Variants in PHACTR1 observed in about 807,000 individuals in gnomAD.
PHACTR1 encodes RPEL repeat containing 1.
PHACTR1 carries 16 observed loss-of-function variants against 69.2 expected under a neutral mutation model. The observed-to-expected ratio is 0.23, with a 90% CI of 0.16 to 0.35. The LOEUF is 0.35. PHACTR1 is among the 10% of genes least tolerant of loss of function. The pLI is 1.00. For missense variants in PHACTR1, 510 were observed against 734.7 expected (o/e 0.69, Z 3.54); for synonymous variants, 312 against 284.5 (o/e 1.10, Z -0.97).
At chr6:13,214,774 G>A (rs1046327454) in intron 8 of PHACTR1, among the ~76,000 whole-genome samples, 2 of 152,118 alleles carry the variant, frequency 1.3e-5, no homozygotes, top group African/African-American at 4.8e-5. Flanking sequence ...ATCTAAAAAG[G>A]CTAAATATGA....
intron 4 of PHACTR1, among the ~76,000 whole-genome samples, chr6:12,885,565 G>A (rs2127461264): frequency 1.3e-5 from 2 of 152,286 alleles, no homozygotes; most frequent in African/African-American, 4.8e-5. Flanking sequence ...TTTTCTTTCT[G>A]TCTCTCTGGC....
At chr6:13,168,169 G>A (rs945108985) in intron 6 of PHACTR1, among the ~76,000 whole-genome samples, 1 of 152,178 alleles carries the variant, frequency 6.6e-6, no homozygotes, top group Non-Finnish European at 1.5e-5. Flanking sequence ...TGAAAAGAGT[G>A]TTTACTTTCA....
chr6:13,170,230 T>C (rs1760395931), intron 6 of PHACTR1, among the ~76,000 whole-genome samples: 1 of 152,254 alleles, frequency 6.6e-6, no homozygotes, highest in African/African-American at 2.4e-5. Context: ...GATGAAAATT[T>C]GCGCAGATAA....
At chr6:13,248,685 G>A (rs111330490) in intron 10 of PHACTR1, among the ~76,000 whole-genome samples, 5 of 152,232 alleles carry the variant, frequency 3.3e-5, no homozygotes, top group Non-Finnish European at 7.4e-5. Context: ...ATTAGTAGAC[G>A]GGGCAATAAC....
intron 3 of PHACTR1, among the ~76,000 whole-genome samples, chr6:12,737,386 G>C (rs989526516): frequency 3.2e-5 from 4 of 126,710 alleles, no homozygotes; most frequent in Non-Finnish European, 4.8e-5. Flanking sequence ...ATACAGAGGA[G>C]ATATTGTTTT....
chr6:13,006,601 C>T (rs1050686018), intron 4 of PHACTR1, among the ~76,000 whole-genome samples: 1 of 151,992 alleles, frequency 6.6e-6, no homozygotes, highest in Non-Finnish European at 1.5e-5. Context: ...GATATATACA[C>T]AACTTATATT....
rs749577272 is a variant in PHACTR1 at position 12,933,630 on chromosome 6, C to G, written c.251-119735C>G. 3.1e-6 allele frequency: 5 copies of G among 1,612,480 alleles called. No individual in the cohort carries two copies. The African/African-American group carries it at 6.7e-5, about 22-fold the overall frequency. ...AATGTCTTCATGTTTCCACAATGTCCAGGCGTTTCCCTTTTTGGGGATATG... is the reference window on the plus strand; with the variant it reads ...AATGTCTTCATGTTTCCACAATGTCGAGGCGTTTCCCTTTTTGGGGATATG... On this transcript the variant is annotated intron_variant, in intron 4 of 14. Transcript: ENST00000332995.
rs34367742 is a variant in PHACTR1 at position 13,160,057 on chromosome 6, G to A, written c.416-147G>A. The A allele has an allele frequency of 3.8e-3, 2,523 of 657,912 alleles. 44 individuals are homozygous for A. The African/African-American group carries it at 0.039, about 10-fold the overall frequency. The allele number at this position is 657,912 out of a possible 1,614,324, so 40.8% of individuals were successfully genotyped here. On this transcript the variant is annotated intron_variant, in intron 5 of 14. Transcript: ENST00000332995. ...TGATAGTATCAAAACATATTAACTG[G>A]TATGTCTCATTAGCTCACATTAGCA...
intron 7 of PHACTR1, among the ~76,000 whole-genome samples, chr6:13,192,570 A>G (rs577259758): frequency 1.3e-5 from 2 of 152,360 alleles, no homozygotes; most frequent in South Asian, 2.1e-4. Flanking sequence ...TTTAGCAGCA[A>G]TTGCTTGATT....
chr6:13,051,452 G>T (rs1386926748), intron 4 of PHACTR1, among the ~76,000 whole-genome samples: 2 of 152,122 alleles, frequency 1.3e-5, no homozygotes, highest in Admixed American at 6.5e-5. Context: ...TACATGATCT[G>T]GTTCCAGACC....
intron 5 of PHACTR1, among the ~76,000 whole-genome samples, chr6:13,098,683 A>C (rs1814663554): frequency 6.6e-6 from 1 of 152,200 alleles, no homozygotes; most frequent in Non-Finnish European, 1.5e-5. Context: ...TTCACTCAGA[A>C]TGAAAAAAGT....
intron 7 of PHACTR1, among the ~76,000 whole-genome samples, chr6:13,203,535 C>T (rs892097872): frequency 8.5e-5 from 13 of 152,144 alleles, no homozygotes; most frequent in African/African-American, 1.9e-4. Flanking sequence ...ATCATTAACA[C>T]GATTAACACG....
chr6:12,978,723 C>T (rs137954601), intron 4 of PHACTR1, among the ~76,000 whole-genome samples: 34 of 152,300 alleles, frequency 2.2e-4, no homozygotes, highest in African/African-American at 7.7e-4. Flanking sequence ...GTTGATGACA[C>T]GTGTTTGTTG....
chr6:12,877,486 T>C (rs570673606), intron 4 of PHACTR1, among the ~76,000 whole-genome samples: 1 of 152,228 alleles, frequency 6.6e-6, no homozygotes, highest in African/African-American at 2.4e-5. Flanking sequence ...CAATTGAGAA[T>C]AGAGACCACC....
chr6:13,014,546 A>C (rs1178071483), intron 4 of PHACTR1, among the ~76,000 whole-genome samples: 1 of 152,286 alleles, frequency 6.6e-6, no homozygotes, highest in African/African-American at 2.4e-5. Flanking sequence ...GGACTGCGTT[A>C]CGGACATGGG....
At position 12,839,885 on chromosome 6, in the gene PHACTR1, A is replaced by G. The variant is rs192520838; in HGVS notation, c.250+90095A>G. Among the ~76,000 whole-genome samples, 671 of 151,896 alleles carry G rather than the reference A, an allele frequency of 4.4e-3. 9 individuals are homozygous for G. Among genetic ancestry groups the G allele is most frequent in the African/African-American group, 0.015 (635 of 41,456 alleles). On this transcript the variant is annotated intron_variant, in intron 4 of 14. Transcript: ENST00000332995. ...TAGAAGACCAGAGTGTAGAGCGAAC[A>G]CGGCCATAAAGCAAGAACAGAGGAT...
At chr6:12,813,270 A>G (rs1233142279) in intron 4 of PHACTR1, among the ~76,000 whole-genome samples, 1 of 152,222 alleles carries the variant, frequency 6.6e-6, no homozygotes, top group Non-Finnish European at 1.5e-5. Flanking sequence ...TTGGTTTCAC[A>G]CACAAGTTCT....
intron 4 of PHACTR1, among the ~76,000 whole-genome samples, chr6:12,853,387 T>C (rs1174833604): frequency 2.0e-5 from 3 of 152,196 alleles, no homozygotes; most frequent in African/African-American, 7.2e-5. Flanking sequence ...ATAGGATTTA[T>C]TTGTTAACTC....
intron 4 of PHACTR1, among the ~76,000 whole-genome samples, chr6:12,898,285 C>G (rs906854681): frequency 6.6e-6 from 1 of 152,148 alleles, no homozygotes. Flanking sequence ...CCAAGGGATC[C>G]GTCCACTCCT....
Sources: gnomAD v4.1 joint callset for allele counts (sites outside exome capture counted in the v4.1 genomes callset) on GRCh38, gnomAD v4.1.1 for gene constraint, MANE v1.5 for transcripts, NCBI Gene and HGNC (gene_info 2026-07-23, HGNC 2026-07-21) for gene names.